The following ZSWIM6 variants were observed in gnomAD, a reference collection of about 807,000 sequenced individuals.
The protein encoded by ZSWIM6 is zinc finger SWIM domain-containing protein 6.
A neutral mutation model predicts 113.2 loss-of-function variants in ZSWIM6; 9 were observed. That is an observed-to-expected ratio of 0.08 (90% confidence interval 0.05 to 0.14). The LOEUF is 0.14. ZSWIM6 is among the 10% of genes least tolerant of loss of function. The pLI is 1.00. For synonymous variants in ZSWIM6, 611 were observed against 606.5 expected (o/e 1.01, Z -0.11); for missense variants, 1,162 against 1,552.2 (o/e 0.75, Z 4.22).
intron 4 of ZSWIM6, among the ~76,000 whole-genome samples, chr5:61,496,775 A>T (rs1748326586): frequency 6.6e-6 from 1 of 152,148 alleles, no homozygotes; most frequent in African/African-American, 2.4e-5. Context: ...AAATATGGGG[A>T]TTACATTTAA....
intron 2 of ZSWIM6, among the ~76,000 whole-genome samples, chr5:61,488,958 G>A (rs1580030874): frequency 6.6e-6 from 1 of 151,846 alleles, no homozygotes; most frequent in African/African-American, 2.4e-5. Context: ...CTTTGGATAA[G>A]TTGTCATGAA....
rs561147183 is a variant in ZSWIM6, at chr5:61,483,674, C to T, written c.1034-7112C>T. ...ACAAGGTCAGGAGACTGAGACCATC[C>T]TAGCTAACAGGATGAAACCCCGTCT... On this transcript the variant is annotated intron_variant, in intron 2 of 13. Transcript: ENST00000252744. Among the ~76,000 whole-genome samples, 4 of 150,390 alleles carry T rather than the reference C, an allele frequency of 2.7e-5. No homozygotes were observed. In the East Asian group the frequency reaches 7.8e-4, roughly 29 times the overall value.
chr5:61,449,318 T>C (rs1380506323), intron 1 of ZSWIM6, among the ~76,000 whole-genome samples: 1 of 152,244 alleles, frequency 6.6e-6, no homozygotes, highest in East Asian at 1.9e-4. Context: ...GAAAGGTATG[T>C]AATGAAGCAT....
At chr5:61,532,030 T>C (rs1180168612) in intron 9 of ZSWIM6, among the ~76,000 whole-genome samples, 5 of 152,224 alleles carry the variant, frequency 3.3e-5, no homozygotes, top group Admixed American at 1.3e-4. Flanking sequence ...GTTCCTGAGA[T>C]AAATGCAATT....
intron 1 of ZSWIM6, among the ~76,000 whole-genome samples, chr5:61,446,635 T>C (rs1746959357): frequency 6.6e-6 from 1 of 152,162 alleles, no homozygotes; most frequent in Admixed American, 6.6e-5. Context: ...AAATATATAC[T>C]AACAATTCTG....
intron 4 of ZSWIM6, among the ~76,000 whole-genome samples, chr5:61,501,971 A>G (rs1464844867): frequency 2.6e-5 from 4 of 152,152 alleles, no homozygotes; most frequent in Non-Finnish European, 5.9e-5. Flanking sequence ...ATGTCCACCA[A>G]TGGGAATTCT....
chr5:61,427,351 C>A (rs924274361), intron 1 of ZSWIM6, among the ~76,000 whole-genome samples: 9 of 152,126 alleles, frequency 5.9e-5, no homozygotes, highest in African/African-American at 2.2e-4. Context: ...TTTAAATAAT[C>A]TCTGGGTTAC....
intron 5 of ZSWIM6, among the ~76,000 whole-genome samples, chr5:61,522,111 T>G (rs1749146904): frequency 6.7e-6 from 1 of 149,928 alleles, no homozygotes; most frequent in East Asian, 2.0e-4. Flanking sequence ...TTGTTTTTTG[T>G]TTTTTTTTAG....
intron 2 of ZSWIM6, among the ~76,000 whole-genome samples, chr5:61,485,468 C>T (rs1307481879): frequency 1.3e-5 from 2 of 152,296 alleles, no homozygotes; most frequent in African/African-American, 2.4e-5. Context: ...AAACTAAGCT[C>T]ATGACCTAAA....
At chr5:61,348,936 A>G (rs977506556) in intron 1 of ZSWIM6, among the ~76,000 whole-genome samples, 1 of 152,086 alleles carries the variant, frequency 6.6e-6, no homozygotes, top group African/African-American at 2.4e-5. Context: ...TCTTTTCCAA[A>G]TTTGAGAACA....
intron 2 of ZSWIM6, among the ~76,000 whole-genome samples, chr5:61,484,036 A>T (rs1183114631): frequency 6.6e-6 from 1 of 152,108 alleles, no homozygotes; most frequent in Non-Finnish European, 1.5e-5. Context: ...GAAAAAAAAT[A>T]AGTGGATTAT....
rs185303388 is a variant in ZSWIM6 at position 61,462,489 on chromosome 5, A to G, written c.677-10192A>G. ...ATGTAAAATTGGAACAACAGAAAAA[A>G]ATGACGGCAGTTCTATTAGTTTGGA... On this transcript the variant is annotated intron_variant, in intron 1 of 13. Transcript: ENST00000252744. Among the ~76,000 whole-genome samples the G allele has an allele frequency of 2.6e-3, 396 of 152,370 alleles. 1 individual carries two copies. Among genetic ancestry groups the G allele is most frequent in the South Asian group, 0.016 (79 of 4,830 alleles).
At chr5:61,516,216 T>G (rs936541828) in intron 4 of ZSWIM6, among the ~76,000 whole-genome samples, 21 of 151,230 alleles carry the variant, frequency 1.4e-4, no homozygotes, top group African/African-American at 5.1e-4. Flanking sequence ...TGTTTTTTGT[T>G]TATCCCCTCT....
chr5:61,362,017 CTT>C (rs747430102), intron 1 of ZSWIM6, among the ~76,000 whole-genome samples: 3 of 152,212 alleles, frequency 2.0e-5, no homozygotes, highest in Non-Finnish European at 4.4e-5. Context: ...AACATCCTCT[CTT>C]GGTATACAGT....
intron 1 of ZSWIM6, among the ~76,000 whole-genome samples, chr5:61,338,088 C>T (rs1412979711): frequency 1.3e-5 from 2 of 151,706 alleles, no homozygotes; most frequent in East Asian, 1.9e-4. Context: ...AAAAGAATAT[C>T]GCCCAGCATT....
At chr5:61,524,571 T>G (rs570067373) in intron 5 of ZSWIM6, among the ~76,000 whole-genome samples, 1 of 152,344 alleles carries the variant, frequency 6.6e-6, no homozygotes, top group East Asian at 1.9e-4. Flanking sequence ...CAAGTCACTT[T>G]ACTTCCCTTG....
At chr5:61,528,853 G>T (rs1749355799) in intron 7 of ZSWIM6, among the ~76,000 whole-genome samples, 2 of 152,190 alleles carry the variant, frequency 1.3e-5, no homozygotes, top group Non-Finnish European at 2.9e-5. Context: ...ATCCCAGAGT[G>T]CTGAGATTAC....
At chr5:61,423,933 T>C (rs538010166) in intron 1 of ZSWIM6, among the ~76,000 whole-genome samples, 1 of 152,282 alleles carries the variant, frequency 6.6e-6, no homozygotes, top group Non-Finnish European at 1.5e-5. Context: ...AGTTGCCTCC[T>C]CTCCCCCGTA....
At chr5:61,526,037 A>G (rs1314309645) in intron 6 of ZSWIM6, 61 bp downstream of exon 6, 9 of 1,526,568 alleles carry the variant, frequency 5.9e-6, no homozygotes, top group East Asian at 2.5e-5. Flanking sequence ...TTTCTATAGC[A>G]TTACTGGAAT....
Sources: allele counts gnomAD v4.1 joint callset (sites outside exome capture counted in the v4.1 genomes callset), GRCh38; gene constraint gnomAD v4.1.1; transcripts MANE v1.5; gene names NCBI Gene and HGNC (gene_info 2026-07-23, HGNC 2026-07-21).